The following THADA variants were observed in gnomAD, a reference collection of about 807,000 sequenced individuals.
The protein encoded by THADA is tRNA (32-2'-O)-methyltransferase regulator THADA.
In THADA, 213 loss-of-function variants were observed where a neutral mutation model predicts 219.8. The observed-to-expected ratio is 0.97, with a 90% confidence interval of 0.87 to 1.09. The LOEUF is 1.09. THADA is among the 50% of genes least tolerant of loss of function. THADA has a pLI of 0.00. For missense variants in THADA, 2,956 were observed against 2,311.3 expected (o/e 1.28, Z -5.72); for synonymous variants, 1,018 against 828.9 (o/e 1.23, Z -3.92).
intron 26 of THADA, among the ~76,000 whole-genome samples, chr2:43,477,757 G>T (rs1685712803): frequency 6.6e-6 from 1 of 152,216 alleles, no homozygotes; most frequent in African/African-American, 2.4e-5. Context: ...TGCCTATGCA[G>T]ACTAAGTGAC....
chr2:43,396,675 G>A (rs1159220764), intron 29 of THADA, among the ~76,000 whole-genome samples: 1 of 151,922 alleles, frequency 6.6e-6, no homozygotes, highest in African/African-American at 2.4e-5. Flanking sequence ...GGACAGGGGG[G>A]TGCAGGCTGC....
chr2:43,556,462 T>C lies in THADA; in HGVS notation c.2557A>G (p.Asn853Asp), dbSNP rs1300630154. The change falls in exon 17 of 38, where the codon AAC becomes GAC. Residue 853 changes from asparagine (N) to aspartate (D), a missense_variant. Coordinates refer to ENST00000405975, the MANE Select transcript of THADA (RefSeq NM_022065.5). ...YDCVTASYLL[N>D]FLIWQDALPS... Reference sequence around the variant, plus strand: ...AGAGCATCCTGCCAGATTAAGAAGTTCAGCAGGTAGGAAGCTGTCACACAG... The same window carrying C: ...AGAGCATCCTGCCAGATTAAGAAGTCCAGCAGGTAGGAAGCTGTCACACAG... 6.2e-7 allele frequency: 1 copy of C among 1,613,882 alleles called. No individual in the cohort carries two copies. The highest frequency in any genetic ancestry group is 1.3e-5 in the African/African-American group (1 of 75,024).
chr2:43,541,233 A>T lies in THADA; in HGVS notation c.3190T>A (p.Leu1064Ile). 6.2e-7 allele frequency: 1 copy of T among 1,611,860 alleles called. No homozygotes were observed. The change falls in exon 21 of 38, where the codon TTA (leucine) becomes ATA (isoleucine). Residue 1064 changes from leucine to isoleucine, a missense_variant. Physicochemically the swap from Leu to Ile is conservative, Grantham distance 5. Transcript: ENST00000405975. ...GGCAGAAGCTGGCACAACATGCCTA[A>T]AAGTAAAGCAACTTCCTTCATACTT... Reference protein sequence around the residue: ...WRSMKEVALLLGMLCQLLPMQ... With the variant: ...WRSMKEVALLIGMLCQLLPMQ...
intron 29 of THADA, among the ~76,000 whole-genome samples, chr2:43,360,652 G>A (rs1296339153): frequency 1.3e-5 from 2 of 152,118 alleles, no homozygotes; most frequent in African/African-American, 2.4e-5. Context: ...TTGTTGAGTC[G>A]ATAGCTGAAT....
At chr2:43,534,049 T>C (rs572570594) in intron 21 of THADA, among the ~76,000 whole-genome samples, 2 of 152,186 alleles carry the variant, frequency 1.3e-5, no homozygotes, top group Non-Finnish European at 1.5e-5. Context: ...TGTATTTTTA[T>C]AGCCCAGCAA....
intron 30 of THADA, among the ~76,000 whole-genome samples, chr2:43,324,277 C>G (rs10211126): frequency 7.2e-5 from 11 of 152,102 alleles, no homozygotes; most frequent in African/African-American, 2.7e-4. Context: ...TGTTCTGCAT[C>G]TTCCCTAGAC....
In THADA at chr2:43,549,127, T is replaced by C. The variant is rs1696442956; in HGVS notation, c.3106+83A>G. ...ATGTTCTGCACAGATTTGCAACCTCTAATTTACCATATAAAAAGGGCATTC... is the reference window on the plus strand; with the variant it reads ...ATGTTCTGCACAGATTTGCAACCTCCAATTTACCATATAAAAAGGGCATTC... On this transcript the variant is annotated intron_variant, in intron 20 of 37. Coordinates refer to ENST00000405975, the MANE Select transcript of THADA (RefSeq NM_022065.5). The C allele has an allele frequency of 1.8e-5, 22 of 1,223,404 alleles. No individual in the cohort carries two copies. In the South Asian group the frequency reaches 3.4e-4, roughly 19 times the overall value. 75.8% of individuals were successfully genotyped at this position (1,223,404 alleles called of 1,614,324 possible).
At chr2:43,490,813 T>A (rs1357355604) in intron 25 of THADA, among the ~76,000 whole-genome samples, 1 of 152,148 alleles carries the variant, frequency 6.6e-6, no homozygotes, top group Admixed American at 6.5e-5. Flanking sequence ...ACAGAATCCA[T>A]AGGGTTTAGT....
chr2:43,473,790 G>C (rs1408697665), intron 26 of THADA, among the ~76,000 whole-genome samples: 1 of 152,060 alleles, frequency 6.6e-6, no homozygotes, highest in Non-Finnish European at 1.5e-5. Flanking sequence ...TGTATTTTTA[G>C]TAGAGACGAG....
At chr2:43,460,395 T>C (rs1161458484) in intron 26 of THADA, among the ~76,000 whole-genome samples, 1 of 152,080 alleles carries the variant, frequency 6.6e-6, no homozygotes, top group African/African-American at 2.4e-5. Context: ...ATTCTGTCCA[T>C]GCAAAGATTT....
intron 31 of THADA, among the ~76,000 whole-genome samples, chr2:43,309,351 A>G (rs537681285): frequency 6.6e-6 from 1 of 152,356 alleles, no homozygotes. Flanking sequence ...TTTACCCAAG[A>G]GAAATGAAAA....
chr2:43,493,205 T>C (rs1458292844), intron 25 of THADA, among the ~76,000 whole-genome samples: 1 of 152,018 alleles, frequency 6.6e-6, no homozygotes, highest in Non-Finnish European at 1.5e-5. Flanking sequence ...ATACACCAGA[T>C]AAAAATATAG....
At chr2:43,455,452 C>T (rs1260950730) in intron 26 of THADA, among the ~76,000 whole-genome samples, 1 of 151,782 alleles carries the variant, frequency 6.6e-6, no homozygotes, top group Non-Finnish European at 1.5e-5. Flanking sequence ...GCCTGTAGTA[C>T]TTCTGTCCGT....
Position 43,593,396 on chromosome 2 carries a change from A to C in THADA, c.-24-980T>G, listed in dbSNP as rs972163648. On this transcript the variant is annotated intron_variant, in intron 1 of 37. Coordinates refer to ENST00000405975, the MANE Select transcript of THADA (RefSeq NM_022065.5). The stretch of plus-strand genomic sequence containing the variant: ...CATATCAGAGTGCATGATTTTATTC[A>C]AACAGGCCAGGTGACATGTAGAGCA... 2.0e-5 allele frequency among the ~76,000 whole-genome samples: 3 copies of C among 152,182 alleles called. No homozygotes were observed. The East Asian group carries it at 5.8e-4, about 29-fold the overall frequency.
At chr2:43,573,452 C>G (rs1699514214) in intron 11 of THADA, among the ~76,000 whole-genome samples, 1 of 152,142 alleles carries the variant, frequency 6.6e-6, no homozygotes, top group Non-Finnish European at 1.5e-5. Flanking sequence ...GTTTCAGAGG[C>G]TAGGACGTCA....
chr2:43,322,508 A>G (rs868025011), intron 30 of THADA, among the ~76,000 whole-genome samples: 2 of 150,948 alleles, frequency 1.3e-5, no homozygotes, highest in African/African-American at 4.9e-5. Flanking sequence ...TGTCTCAAAA[A>G]TAAATAAATA....
chr2:43,397,575 T>C (rs1330823624), intron 29 of THADA, among the ~76,000 whole-genome samples: 1 of 152,072 alleles, frequency 6.6e-6, no homozygotes, highest in Non-Finnish European at 1.5e-5. Flanking sequence ...TGTACAGCTC[T>C]TCCTGTGCCT....
At chr2:43,469,511 A>G (rs573906059) in intron 26 of THADA, among the ~76,000 whole-genome samples, 1 of 152,336 alleles carries the variant, frequency 6.6e-6, no homozygotes, top group African/African-American at 2.4e-5. Flanking sequence ...TTAAATGAAC[A>G]TTAAAAAAAA....
chr2:43,474,052 G>A (rs558553909), intron 26 of THADA, among the ~76,000 whole-genome samples: 16 of 152,126 alleles, frequency 1.1e-4, no homozygotes, highest in Non-Finnish European at 1.6e-4. Flanking sequence ...TGGAACCATC[G>A]TCATATATGT....
Sources: gnomAD v4.1 joint callset for allele counts (sites outside exome capture counted in the v4.1 genomes callset) on GRCh38, gnomAD v4.1.1 for gene constraint, MANE v1.5 for transcripts, NCBI Gene and HGNC (gene_info 2026-07-23, HGNC 2026-07-21) for gene names.